The following UTP6 variants were observed in gnomAD, a reference collection of about 807,000 sequenced individuals.
UTP6 encodes the protein UTP6 small subunit processome component.
UTP6 carries 60 observed loss-of-function variants against 96.5 expected under a neutral mutation model. That is an observed-to-expected ratio of 0.62 (90% CI 0.51 to 0.77). The LOEUF (loss-of-function observed/expected upper bound fraction) is 0.77. UTP6 is among the 30% of genes least tolerant of loss of function. The pLI, the probability that UTP6 is intolerant of heterozygous loss-of-function variation, is 0.00. For synonymous variants in UTP6, 215 were observed against 240.1 expected, an observed-to-expected ratio of 0.90 and a Z score of 0.96; for missense variants, 637 against 706.5, an observed-to-expected ratio of 0.90 and a Z score of 1.12.
At chr17:31,881,287 G>C (rs1172695891) in intron 10 of UTP6, among the ~76,000 whole-genome samples, 1 of 49,208 alleles carries the variant, frequency 2.0e-5, no homozygotes, top group South Asian at 6.3e-4. Context: ...TTTTTTTTTT[G>C]AGCCAGAATC....
rs959323514 is a variant in UTP6, at chr17:31,890,596, C to T, written c.425-1193G>A. Among the ~76,000 whole-genome samples, 20 of 151,472 alleles carry T rather than the reference C, an allele frequency of 1.3e-4. 1 individual carries two copies. Among genetic ancestry groups the T allele is most frequent in the African/African-American group, 4.9e-4 (20 of 41,236 alleles). ...TCACACGACTACACCCCAGCCTGGGCGACAGAGCAAGACTCCATGTCAAAA... is the reference window on the plus strand; with the variant it reads ...TCACACGACTACACCCCAGCCTGGGTGACAGAGCAAGACTCCATGTCAAAA... On this transcript the variant is annotated intron_variant, in intron 6 of 18. Coordinates refer to ENST00000261708, the MANE Select transcript of UTP6 (RefSeq NM_018428.3).
Position 31,880,640 on chromosome 17 carries a change from C to T in UTP6, c.900G>A (p.Val300=), listed in dbSNP as rs1312890352. 5.6e-6 allele frequency: 9 copies of T among 1,614,032 alleles called. No individual in the cohort carries two copies. Among genetic ancestry groups the T allele is most frequent in the Non-Finnish European group, 7.6e-6 (9 of 1,180,024 alleles). ...EQPTTKQAKA[V]EVGRKEERCC... ...ACCTCTCCTCCTTCCGGCCGACCTC[C>T]ACTGCTTTGGCTTGTTTCGTTGTAG... The change falls in exon 11 of 19, where the codon GTG becomes GTA. Residue 300 remains valine (V), a synonymous_variant. Coordinates refer to ENST00000261708, the MANE Select transcript of UTP6 (RefSeq NM_018428.3).
At chr17:31,897,902 A>C (rs1904750664) in intron 2 of UTP6, among the ~76,000 whole-genome samples, 1 of 152,182 alleles carries the variant, frequency 6.6e-6, no homozygotes, top group African/African-American at 2.4e-5. Context: ...AAGATGAAAA[A>C]ATCTTGCAGT....
intron 18 of UTP6, among the ~76,000 whole-genome samples, chr17:31,864,580 G>A (rs1909711343): frequency 1.3e-5 from 2 of 152,002 alleles, no homozygotes; most frequent in Admixed American, 6.6e-5. Context: ...TTTTTTTTAA[G>A]AAAACAAAAC....
intron 2 of UTP6, among the ~76,000 whole-genome samples, chr17:31,895,779 C>T (rs1904600616): frequency 6.6e-6 from 1 of 151,974 alleles, no homozygotes; most frequent in African/African-American, 2.4e-5. Context: ...AGTGATCCAC[C>T]CACCTTGGCC....
Position 31,899,676 on chromosome 17 carries a change from A to T in UTP6, c.147T>A (p.Leu49=), listed in dbSNP as rs1052156169. 6.2e-7 allele frequency: 1 copy of T among 1,605,558 alleles called. No individual in the cohort carries two copies. The highest frequency in any genetic ancestry group is 8.5e-7 in the Non-Finnish European group (1 of 1,176,624). The change falls in exon 2 of 19, where the codon CTT becomes CTA. Residue 49 remains leucine (L), a synonymous_variant. Coordinates refer to ENST00000261708, the MANE Select transcript of UTP6 (RefSeq NM_018428.3). ...DLEYKIQRRT[L]FKEDFINYVQ... is the part of the protein sequence containing the mutation. Reference sequence around the variant, plus strand: ...CATAATTGATAAAGTCTTCCTTGAAAAGGGTTCTTCTCTGGATTTTGTACT... The same window carrying T: ...CATAATTGATAAAGTCTTCCTTGAATAGGGTTCTTCTCTGGATTTTGTACT...
chr17:31,887,399 G>C (rs1911214343), intron 7 of UTP6, 86 bp from the exon 8 acceptor site: 10 of 1,053,512 alleles, frequency 9.5e-6, no homozygotes, highest in Non-Finnish European at 1.4e-5. Context: ...ACCCAAGCTG[G>C]AGTGCACTGG....
intron 2 of UTP6, among the ~76,000 whole-genome samples, chr17:31,898,880 A>C (rs1388906149): frequency 6.6e-6 from 1 of 152,112 alleles, no homozygotes; most frequent in Non-Finnish European, 1.5e-5. Flanking sequence ...GTCTCTACTA[A>C]AAGTAGCTGG....
chr17:31,893,604 C>T (rs1904458942), intron 4 of UTP6, among the ~76,000 whole-genome samples: 1 of 151,484 alleles, frequency 6.6e-6, no homozygotes. Flanking sequence ...GTGGTGCGTG[C>T]CTGAAGTCCC....
intron 7 of UTP6, among the ~76,000 whole-genome samples, chr17:31,889,021 G>A (rs569864915): frequency 9.3e-5 from 14 of 150,588 alleles, no homozygotes; most frequent in African/African-American, 2.4e-4. Context: ...GCAGTGAGCC[G>A]AGACCGTGCC....
At chr17:31,866,297 A>C (rs1909812461) in intron 17 of UTP6, among the ~76,000 whole-genome samples, 1 of 151,240 alleles carries the variant, frequency 6.6e-6, no homozygotes, top group Non-Finnish European at 1.5e-5. Flanking sequence ...AAAAAAAAAA[A>C]AAAAAAAAAG....
At chr17:31,881,186 A>G (rs539803112) in intron 10 of UTP6, among the ~76,000 whole-genome samples, 58 of 151,460 alleles carry the variant, frequency 3.8e-4, no homozygotes, top group African/African-American at 1.4e-3. Flanking sequence ...AAAAAAAAAT[A>G]TATTTCCCAA....
intron 10 of UTP6, among the ~76,000 whole-genome samples, chr17:31,883,543 G>A (rs915455180): frequency 2.6e-5 from 4 of 151,896 alleles, no homozygotes; most frequent in African/African-American, 7.3e-5. Flanking sequence ...TCAAACTCTC[G>A]ACCTCAGGTG....
At chr17:31,871,436 T>C (rs1056470591) in intron 16 of UTP6, among the ~76,000 whole-genome samples, 2 of 152,152 alleles carry the variant, frequency 1.3e-5, no homozygotes, top group African/African-American at 4.8e-5. Flanking sequence ...TATAGCTATG[T>C]TTAATAAATG....
chr17:31,881,575 G>A (rs1385855963), intron 10 of UTP6, among the ~76,000 whole-genome samples: 2 of 152,090 alleles, frequency 1.3e-5, no homozygotes, highest in African/African-American at 4.8e-5. Context: ...CCTGGCCAGA[G>A]CTGTCCCACA....
intron 6 of UTP6, among the ~76,000 whole-genome samples, chr17:31,890,874 C>A (rs1567790949): frequency 6.6e-6 from 1 of 151,600 alleles, no homozygotes; most frequent in Non-Finnish European, 1.5e-5. Context: ...GTAATCCCAG[C>A]TACTTAGAAG....
intron 2 of UTP6, among the ~76,000 whole-genome samples, chr17:31,899,346 C>G (rs114684897): frequency 1.9e-3 from 290 of 152,270 alleles, no homozygotes; most frequent in African/African-American, 6.4e-3. Flanking sequence ...GTGGTTCACA[C>G]CTGTAAGCCC....
intron 18 of UTP6, among the ~76,000 whole-genome samples, chr17:31,864,167 C>T (rs980409128): frequency 2.6e-5 from 4 of 152,128 alleles, no homozygotes; most frequent in South Asian, 2.1e-4. Flanking sequence ...GGCGGATCAC[C>T]TGAGGTCAAG....
chr17:31,887,206 C>T, intron 8 of UTP6, 30 bp downstream of exon 8: 1 of 1,564,932 alleles, frequency 6.4e-7, no homozygotes, highest in Non-Finnish European at 8.8e-7. Flanking sequence ...ACATCGTTAG[C>T]AAGTGAGAAT....
Sources: gnomAD v4.1 joint callset for allele counts (sites outside exome capture counted in the v4.1 genomes callset) on GRCh38, gnomAD v4.1.1 for gene constraint, MANE v1.5 for transcripts, NCBI Gene and HGNC (gene_info 2026-07-23, HGNC 2026-07-21) for gene names.